CFAP53: variants seen among roughly 807,000 people sequenced by gnomAD.
CFAP53 encodes cilia and flagella associated protein 53.
In CFAP53, 62 loss-of-function variants were observed where a neutral mutation model predicts 59.7. The observed-to-expected ratio is 1.04, with a 90% confidence interval of 0.85 to 1.28. CFAP53 has a LOEUF of 1.28. Ranked by LOEUF, CFAP53 falls within the 50% of genes most tolerant of loss-of-function variation. The probability of loss-of-function intolerance (pLI) is 0.00; values close to 1 mark genes in which losing one functional copy is unlikely to be tolerated. For synonymous variants in CFAP53, 218 were observed against 205.7 expected, an observed-to-expected ratio of 1.06 and a Z score of -0.51; for missense variants, 629 against 615.6, an observed-to-expected ratio of 1.02 and a Z score of -0.23.
At chr18:50,234,359 A>T (rs186942363) in intron 7 of CFAP53, among the ~76,000 whole-genome samples, 1 of 152,282 alleles carries the variant, frequency 6.6e-6, no homozygotes, top group Non-Finnish European at 1.5e-5. Flanking sequence ...ATTTTCCGTT[A>T]TCTCATTAAT....
intron 7 of CFAP53, among the ~76,000 whole-genome samples, chr18:50,230,327 C>T: frequency 6.6e-6 from 1 of 152,062 alleles, no homozygotes; most frequent in East Asian, 1.9e-4. Context: ...GACTTTCAGC[C>T]CCACCCACTG....
intron 7 of CFAP53, among the ~76,000 whole-genome samples, chr18:50,236,311 G>A (rs1407002258): frequency 1.3e-5 from 2 of 152,102 alleles, no homozygotes; most frequent in South Asian, 2.1e-4. Context: ...TAGTTAATCT[G>A]CCTGTACCTA....
chr18:50,250,653 C>T lies in CFAP53; in HGVS notation c.996+105G>A, dbSNP rs946811850. The T allele has an allele frequency of 1.2e-5, 10 of 847,408 alleles. No individual in the cohort carries two copies. In the African/African-American group the frequency reaches 1.7e-4, roughly 14 times the overall value. 52.5% of individuals were successfully genotyped at this position (847,408 alleles called of 1,614,324 possible). A position where few individuals can be genotyped will look rare whatever the true frequency, so the allele number is the denominator to read the frequency against. On this transcript the variant is annotated intron_variant, in intron 5 of 7. Transcript: ENST00000398545. ...GCTGATGCTGTTGGCTTGTGGACCA[C>T]ACTCAGAGTAGCACTGCTATATATT... is the stretch of plus-strand genomic sequence containing the variant.
chr18:50,257,480 C>T (rs12962227), intron 3 of CFAP53, among the ~76,000 whole-genome samples: 11,929 of 152,142 alleles, frequency 0.078, 632 homozygotes, highest in Non-Finnish European at 0.11. Flanking sequence ...TTACACTGAA[C>T]AACGTGAAAA....
intron 3 of CFAP53, among the ~76,000 whole-genome samples, chr18:50,260,524 G>A (rs2033881032): frequency 6.6e-6 from 1 of 152,118 alleles, no homozygotes; most frequent in African/African-American, 2.4e-5. Context: ...AATTAGCTGG[G>A]CACAGTGGCG....
intron 7 of CFAP53, among the ~76,000 whole-genome samples, chr18:50,231,820 T>C (rs774371784): frequency 6.6e-6 from 1 of 152,208 alleles, no homozygotes; most frequent in Non-Finnish European, 1.5e-5. Flanking sequence ...TCAGACACTC[T>C]TTCTCACTCT....
At chr18:50,232,339 C>T (rs1211481909) in intron 7 of CFAP53, among the ~76,000 whole-genome samples, 1 of 152,218 alleles carries the variant, frequency 6.6e-6, no homozygotes, top group African/African-American at 2.4e-5. Flanking sequence ...AAATTAGCCT[C>T]CTGAGTCCTT....
At chr18:50,236,610 G>A (rs1242972891) in intron 7 of CFAP53, among the ~76,000 whole-genome samples, 1 of 152,132 alleles carries the variant, frequency 6.6e-6, no homozygotes, top group Non-Finnish European at 1.5e-5. Flanking sequence ...CAAATCACAT[G>A]GAGAGCCCAC....
chr18:50,266,286 C>A lies in CFAP53; in HGVS notation c.69+50G>T, dbSNP rs771437111. 23 of 1,581,606 alleles carry A rather than the reference C, an allele frequency of 1.5e-5. No homozygotes were observed. In the South Asian group the frequency reaches 2.3e-4, roughly 16 times the overall value. On this transcript the variant is annotated intron_variant, in intron 1 of 7. Transcript: ENST00000398545. ...AGTGGGATAGGCCAGGCCTGGAGTG[C>A]GGAGAGATGGAGAAAGCTGTAGGGT... is the stretch of plus-strand genomic sequence containing the variant.
chr18:50,253,524 A>C (rs574063515), intron 3 of CFAP53, among the ~76,000 whole-genome samples: 2 of 152,314 alleles, frequency 1.3e-5, no homozygotes, highest in South Asian at 4.1e-4. Flanking sequence ...AGTAGTAGGA[A>C]TATTATTAGC....
chr18:50,241,699 G>T (rs1025895862), intron 6 of CFAP53, among the ~76,000 whole-genome samples: 1 of 152,098 alleles, frequency 6.6e-6, no homozygotes, highest in Non-Finnish European at 1.5e-5. Flanking sequence ...ATTTTGAAAG[G>T]GGAGGGGGTG....
intron 7 of CFAP53, among the ~76,000 whole-genome samples, chr18:50,235,162 T>C (rs758862982): frequency 1.3e-5 from 2 of 152,180 alleles, no homozygotes; most frequent in African/African-American, 4.8e-5. Flanking sequence ...CATCAAAGTA[T>C]TAGAGGGCCC....
chr18:50,227,514 C>T lies in CFAP53; in HGVS notation c.1412G>A (p.Arg471Gln), dbSNP rs754896236. The T allele has an allele frequency of 2.5e-5, 40 of 1,614,024 alleles. No homozygotes were observed. The highest frequency in any genetic ancestry group is 5.5e-5 in the South Asian group (5 of 91,090). Residue 471 changes from arginine (R) to glutamine (Q), a missense_variant, in exon 8 of 8, where the codon CGA (arginine) becomes CAA (glutamine). By Grantham distance (43) the Arg-to-Gln change is conservative (BLOSUM62 1). Transcript: ENST00000398545. ...TGCTGCTACACCTGCTTCAAACTCTCGGCGTTTCTCTTCCTTCTCTGCTTC... is the reference window on the plus strand; with the variant it reads ...TGCTGCTACACCTGCTTCAAACTCTTGGCGTTTCTCTTCCTTCTCTGCTTC... ...SQEAEKEEKRREFEAGVAANK... is the reference protein window; with the variant it reads ...SQEAEKEEKRQEFEAGVAANK...
At chr18:50,242,802 G>A (rs2033703434) in intron 6 of CFAP53, 98 bp downstream of exon 6, 4 of 973,436 alleles carry the variant, frequency 4.1e-6, no homozygotes, top group East Asian at 4.8e-5. Context: ...ATCCCTCATG[G>A]TGTTTTACAT....
chr18:50,255,056 G>A (rs1475407188), intron 3 of CFAP53, among the ~76,000 whole-genome samples: 1 of 152,160 alleles, frequency 6.6e-6, no homozygotes, highest in African/African-American at 2.4e-5. Flanking sequence ...TTCAGTAAGT[G>A]AACGGTTTAA....
chr18:50,249,529 A>G (rs575329097), intron 5 of CFAP53, among the ~76,000 whole-genome samples: 6 of 151,218 alleles, frequency 4.0e-5, no homozygotes, highest in Non-Finnish European at 3.0e-5. Context: ...AAAAAAAATT[A>G]AAAAAAAAGA....
intron 7 of CFAP53, 23 bp downstream of exon 7, chr18:50,238,580 T>C (rs375725337): frequency 7.1e-4 from 1,099 of 1,558,674 alleles, no homozygotes; most frequent in Middle Eastern, 8.8e-4. Flanking sequence ...TAGCAAATGA[T>C]GATACAGAAA....
Position 50,266,429 on chromosome 18 carries a change from G to A in CFAP53, c.-25C>T, listed in dbSNP as rs753101353. The A allele has an allele frequency of 6.8e-6, 11 of 1,612,430 alleles. No individual in the cohort carries two copies. Among genetic ancestry groups the A allele is most frequent in the Non-Finnish European group, 9.3e-6 (11 of 1,178,510 alleles). On this transcript the variant is annotated 5_prime_UTR_variant, in exon 1 of 8. Transcript: ENST00000398545. Reference sequence around the variant, plus strand: ...TTTTCGAGTCCCCTTCGGGACGGGGGCGGCGTCCGCCGCGTTTCCCCCAAC... The same window carrying A: ...TTTTCGAGTCCCCTTCGGGACGGGGACGGCGTCCGCCGCGTTTCCCCCAAC...
rs1448162621 is a variant in CFAP53, at chr18:50,227,405, T to C, written c.1521A>G (p.Ala507=). ...ACTACGGTGGAAGCTTACTGGGGCA[T>C]GCCTTGCGCATGGGATGAATGTTTT... is the stretch of plus-strand genomic sequence containing the variant. The part of the protein sequence containing the change: ...LPQNIHPMRK[A]CPSKLPP The change falls in exon 8 of 8, where the codon GCA becomes GCG. Residue 507 remains alanine, a synonymous_variant. Coordinates refer to ENST00000398545, the MANE Select transcript of CFAP53 (RefSeq NM_145020.5). 3 of 1,613,616 alleles carry C rather than the reference T, an allele frequency of 1.9e-6. No homozygotes were observed. The highest frequency in any genetic ancestry group is 2.5e-6 in the Non-Finnish European group (3 of 1,179,618).
Sources: allele counts gnomAD v4.1 joint callset (sites outside exome capture counted in the v4.1 genomes callset), GRCh38; gene constraint gnomAD v4.1.1; transcripts MANE v1.5; gene names NCBI Gene and HGNC (gene_info 2026-07-23, HGNC 2026-07-21).